Variants in ZNF540 observed in about 807,000 individuals in gnomAD.
ZNF540 encodes the protein CTD-3064H18.6.
In ZNF540, 3 loss-of-function variants were observed where a neutral mutation model predicts 11.8. That is an observed-to-expected ratio of 0.25 (90% CI 0.12 to 0.65). The LOEUF (loss-of-function observed/expected upper bound fraction) is 0.65. ZNF540 is among the 30% of genes least tolerant of loss of function. The pLI, the probability that ZNF540 is intolerant of heterozygous loss-of-function variation, is 0.83. For missense variants in ZNF540, 709 were observed against 793.1 expected, an observed-to-expected ratio of 0.89 and a Z score of 1.27; for synonymous variants, 247 against 259.0, an observed-to-expected ratio of 0.95 and a Z score of 0.45.
At chr19:37,611,419 C>G in intron 4 of ZNF540, 94 bp from the exon 5 acceptor site, 1 of 986,520 alleles carries the variant, frequency 1.0e-6, no homozygotes, top group South Asian at 1.8e-5. Context: ...TAGTAAGAAC[C>G]GTTTTCACTT....
chr19:37,559,938 A>G (rs17244713), intron 1 of ZNF540, among the ~76,000 whole-genome samples: 40,620 of 152,140 alleles, frequency 0.27, 6,459 homozygotes, highest in Non-Finnish European at 0.37. Context: ...AATAAACACG[A>G]AAGTTTTAAC....
At chr19:37,598,592 C>G in intron 2 of ZNF540, 136 bp downstream of exon 2, 2 of 863,850 alleles carry the variant, frequency 2.3e-6, no homozygotes, top group Non-Finnish European at 3.7e-6. Context: ...CATGGGCCCC[C>G]TCTCTTTTCT....
intron 1 of ZNF540, among the ~76,000 whole-genome samples, chr19:37,573,842 AAAAG>A (rs1435568284): frequency 6.4e-4 from 97 of 151,914 alleles, no homozygotes; most frequent in Admixed American, 1.2e-3. Flanking sequence ...CAAAAAAAAA[AAAAG>A]AAAGAAAAAG....
At chr19:37,566,092 A>T (rs1411229467) in intron 1 of ZNF540, 1 of 1,614,050 alleles carries the variant, frequency 6.2e-7, no homozygotes, top group East Asian at 2.2e-5. Context: ...CTTCACAGGT[A>T]ATTTTGACAC....
chr19:37,575,029 A>G (rs987689995), intron 1 of ZNF540, among the ~76,000 whole-genome samples: 2 of 152,246 alleles, frequency 1.3e-5, no homozygotes, highest in African/African-American at 4.8e-5. Context: ...TGTTATTCAC[A>G]TAATTATAAA....
intron 4 of ZNF540, among the ~76,000 whole-genome samples, chr19:37,605,431 C>T (rs1292886392): frequency 1.3e-5 from 2 of 152,100 alleles, no homozygotes; most frequent in South Asian, 2.1e-4. Flanking sequence ...GGGTGGATCA[C>T]GAGGTCAGGA....
chr19:37,564,002 A>C (rs1011945293), intron 1 of ZNF540: 1 of 152,212 alleles, frequency 6.6e-6, no homozygotes, highest in Non-Finnish European at 1.5e-5. Flanking sequence ...AAAACAACAA[A>C]AAACAACAGC....
chr19:37,560,094 T>G (rs1684978314), intron 1 of ZNF540, among the ~76,000 whole-genome samples: 1 of 151,900 alleles, frequency 6.6e-6, no homozygotes, highest in Non-Finnish European at 1.5e-5. Flanking sequence ...CTGGCCAACA[T>G]GGCAAAACCT....
chr19:37,565,402 T>C lies in ZNF540; in HGVS notation c.-73+13737T>C. On this transcript the variant is annotated intron_variant, in intron 1 of 4. Coordinates refer to the ZNF540 transcript ENST00000592533. The stretch of plus-strand genomic sequence containing the variant: ...TCAGTTGGGAGGCACATAAAAAGGC[T>C]TTCCCACATTCTTTACATATGTAAG... 3.1e-6 allele frequency: 5 copies of C among 1,613,670 alleles called. No homozygotes were observed. In the South Asian group the frequency reaches 3.3e-5, roughly 11 times the overall value.
chr19:37,607,452 TTC>T (rs1193632999), intron 4 of ZNF540, among the ~76,000 whole-genome samples: 1 of 152,238 alleles, frequency 6.6e-6, no homozygotes, highest in Non-Finnish European at 1.5e-5. Context: ...GCTCTAAAAT[TTC>T]TCTGTGTTTG....
At chr19:37,574,274 G>A (rs1199260111) in intron 1 of ZNF540, among the ~76,000 whole-genome samples, 1 of 151,924 alleles carries the variant, frequency 6.6e-6, no homozygotes, top group Admixed American at 6.6e-5. Context: ...CATGCTTATT[G>A]TCACCTCCCT....
intron 1 of ZNF540, among the ~76,000 whole-genome samples, chr19:37,596,559 G>A (rs1317411124): frequency 1.3e-5 from 2 of 152,106 alleles, no homozygotes; most frequent in East Asian, 3.8e-4. Flanking sequence ...CTTTATTGAA[G>A]TCTAATTTAT....
intron 1 of ZNF540, chr19:37,564,514 T>C: frequency 7.7e-7 from 1 of 1,306,518 alleles, no homozygotes; most frequent in Non-Finnish European, 1.0e-6. Flanking sequence ...GAGCAGATTC[T>C]GAGCAGAAGC....
chr19:37,585,777 G>A (rs939407744), intron 1 of ZNF540: 6 of 152,176 alleles, frequency 3.9e-5, no homozygotes, highest in African/African-American at 1.4e-4. Flanking sequence ...GACTTTAGAA[G>A]TGCAATTAAA....
At chr19:37,564,462 G>T in intron 1 of ZNF540, 1 of 690,222 alleles carries the variant, frequency 1.4e-6, no homozygotes, top group Non-Finnish European at 2.1e-6. Context: ...AGGGGTTTCT[G>T]AAATTATTCT....
At chr19:37,572,284 G>T (rs1049113113) in intron 1 of ZNF540, among the ~76,000 whole-genome samples, 1 of 152,130 alleles carries the variant, frequency 6.6e-6, no homozygotes, top group Non-Finnish European at 1.5e-5. Flanking sequence ...ACTTTGTGTG[G>T]TTTCAGTTAC....
At chr19:37,593,149 C>T (rs922360227), upstream of ZNF540, among the ~76,000 whole-genome samples, 4 of 151,406 alleles carry the variant, frequency 2.6e-5, no homozygotes, top group African/African-American at 9.7e-5. Flanking sequence ...GTTGGTATAA[C>T]AGCATCATGG....
chr19:37,559,786 T>G (rs1036188806), intron 1 of ZNF540, among the ~76,000 whole-genome samples: 1 of 152,206 alleles, frequency 6.6e-6, no homozygotes, highest in Admixed American at 6.5e-5. Flanking sequence ...TACACTGTAC[T>G]ATTTTATTTT....
intron 1 of ZNF540, among the ~76,000 whole-genome samples, chr19:37,562,126 T>G (rs1314427649): frequency 7.2e-5 from 11 of 152,202 alleles, no homozygotes; most frequent in Non-Finnish European, 1.5e-5. Context: ...CTCATGCCTA[T>G]AATCCCAGCA....
Sources: allele counts gnomAD v4.1 joint callset (sites outside exome capture counted in the v4.1 genomes callset), GRCh38; gene constraint gnomAD v4.1.1; transcripts MANE v1.5; gene names NCBI Gene and HGNC (gene_info 2026-07-23, HGNC 2026-07-21).